Variants in CFAP299 observed in about 807,000 individuals in gnomAD.
The protein encoded by CFAP299 is cilia- and flagella-associated protein 299.
Under a neutral mutation model 27.0 loss-of-function variants are expected in CFAP299, and 21 were observed. The ratio of observed to expected loss-of-function variants is 0.78; its 90% CI spans 0.55 to 1.12. CFAP299 has a LOEUF of 1.12. Ranked by LOEUF, CFAP299 falls within the 50% of genes most tolerant of loss-of-function variation. CFAP299 has a pLI of 0.00. For synonymous variants in CFAP299, 104 were observed against 98.1 expected, an observed-to-expected ratio of 1.06 and a Z score of -0.36; for missense variants, 310 against 276.6, an observed-to-expected ratio of 1.12 and a Z score of -0.86.
chr4:80,581,974 A>G (rs1736197295), intron 2 of CFAP299, among the ~76,000 whole-genome samples: 1 of 151,916 alleles, frequency 6.6e-6, no homozygotes, highest in African/African-American at 2.4e-5. Context: ...CTAAATATTT[A>G]TAACAATATG....
chr4:80,389,817 C>G (rs867664734), intron 2 of CFAP299, among the ~76,000 whole-genome samples: 16 of 152,088 alleles, frequency 1.1e-4, no homozygotes, highest in African/African-American at 3.1e-4. Flanking sequence ...TCTTTAAACA[C>G]ATTTTATGGA....
At chr4:80,913,109 C>T (rs1170032376) in intron 4 of CFAP299, among the ~76,000 whole-genome samples, 1 of 152,114 alleles carries the variant, frequency 6.6e-6, no homozygotes, top group Non-Finnish European at 1.5e-5. Context: ...AATTTTTCCT[C>T]CCTGCATCTA....
intron 2 of CFAP299, among the ~76,000 whole-genome samples, chr4:80,564,737 TTG>T (rs1233830549): frequency 2.6e-5 from 4 of 151,968 alleles, no homozygotes; most frequent in Non-Finnish European, 4.4e-5. Context: ...TTATACTTGT[TTG>T]TAGATGATGT....
At chr4:80,347,212 T>C (rs1371997099) in intron 1 of CFAP299, among the ~76,000 whole-genome samples, 1 of 152,160 alleles carries the variant, frequency 6.6e-6, no homozygotes, top group African/African-American at 2.4e-5. Context: ...AATCATGTCA[T>C]CTGCAAACAG....
At chr4:80,941,564 C>G (rs1737195931) in intron 4 of CFAP299, among the ~76,000 whole-genome samples, 1 of 152,198 alleles carries the variant, frequency 6.6e-6, no homozygotes, top group African/African-American at 2.4e-5. Flanking sequence ...CCTTACATTT[C>G]TCCAAAGTCC....
intron 3 of CFAP299, among the ~76,000 whole-genome samples, chr4:80,869,675 G>T (rs1016199174): frequency 6.6e-6 from 1 of 152,102 alleles, no homozygotes; most frequent in Non-Finnish European, 1.5e-5. Flanking sequence ...CACCACGCCC[G>T]GCTAATTTTT....
intron 4 of CFAP299, among the ~76,000 whole-genome samples, chr4:80,904,798 G>A (rs143438253): frequency 4.6e-5 from 7 of 152,156 alleles, no homozygotes; most frequent in Non-Finnish European, 1.0e-4. Flanking sequence ...AGTGAGAAGG[G>A]TGGAACCTTC....
intron 3 of CFAP299, among the ~76,000 whole-genome samples, chr4:80,679,489 A>G (rs2110003060): frequency 6.6e-6 from 1 of 152,212 alleles, no homozygotes; most frequent in East Asian, 1.9e-4. Flanking sequence ...TTTTATAAAA[A>G]GCGGCCAAAC....
chr4:80,564,194 A>G lies in CFAP299; in HGVS notation c.243-18899A>G, dbSNP rs754119126. 6.7e-4 allele frequency among the ~76,000 whole-genome samples: 102 copies of G among 152,030 alleles called. 1 individual carries two copies. Among genetic ancestry groups the G allele is most frequent in the South Asian group, 2.1e-4 (1 of 4,830 alleles). ...AAACTCATTCTACAAGGCTAATATT[A>G]TCCTGATACCAAAATGAGACAAGAC... On this transcript the variant is annotated intron_variant, in intron 2 of 5. Transcript: ENST00000358105.
intron 4 of CFAP299, among the ~76,000 whole-genome samples, chr4:80,890,497 T>C (rs999233746): frequency 1.3e-5 from 2 of 152,056 alleles, no homozygotes; most frequent in Admixed American, 1.3e-4. Context: ...TCTTTGCTAT[T>C]GTGAATAGTG....
chr4:80,631,871 C>CCT (rs1553942336), intron 3 of CFAP299, among the ~76,000 whole-genome samples: 2 of 120,780 alleles, frequency 1.7e-5, no homozygotes, highest in South Asian at 3.5e-4. Flanking sequence ...CCCACCCCCC[C>CCT]CCAACCAAAT....
At chr4:80,800,611 TAATATATAATATATTAATATA>T in intron 3 of CFAP299, among the ~76,000 whole-genome samples, 1 of 98,470 alleles carries the variant, frequency 1.0e-5, no homozygotes, top group East Asian at 2.5e-4. Flanking sequence ...TATAAATATA[TAATATATAATATATTAATATA>T]AATATATAAT....
intron 2 of CFAP299, among the ~76,000 whole-genome samples, chr4:80,370,347 C>T (rs549942326): frequency 5.3e-5 from 8 of 152,200 alleles, no homozygotes; most frequent in African/African-American, 1.9e-4. Context: ...TTATTCTGTC[C>T]CTGGGCTCCC....
chr4:80,642,786 A>AT (rs953736965), intron 3 of CFAP299, among the ~76,000 whole-genome samples: 1 of 151,938 alleles, frequency 6.6e-6, no homozygotes, highest in Non-Finnish European at 1.5e-5. Flanking sequence ...AAAGTAAAAA[A>AT]TTTTTTTCAG....
intron 3 of CFAP299, among the ~76,000 whole-genome samples, chr4:80,731,254 C>T (rs1045590980): frequency 6.6e-6 from 1 of 152,046 alleles, no homozygotes; most frequent in Non-Finnish European, 1.5e-5. Flanking sequence ...GAAGCTGGTA[C>T]GAGGGGGTCC....
At position 80,852,645 on chromosome 4, in the gene CFAP299, T is replaced by C. The variant is rs192661393; in HGVS notation, c.334-17348T>C. The stretch of plus-strand genomic sequence containing the variant: ...TTCAAGAAAGAACCAACTTCCTTTC[T>C]CTGTTGCTCTTAGCAAAAAGATTTC... On this transcript the variant is annotated intron_variant, in intron 3 of 5. Coordinates refer to ENST00000358105, the MANE Select transcript of CFAP299 (RefSeq NM_152770.3). Among the ~76,000 whole-genome samples, 412 of 152,354 alleles carry C rather than the reference T, an allele frequency of 2.7e-3. 2 individuals carry two copies. Among genetic ancestry groups the C allele is most frequent in the Non-Finnish European group, 4.5e-3 (309 of 68,018 alleles).
intron 3 of CFAP299, among the ~76,000 whole-genome samples, chr4:80,816,280 A>T (rs1729417642): frequency 6.6e-6 from 1 of 152,130 alleles, no homozygotes. Context: ...CAATATGTGA[A>T]CTGTAGCAAA....
chr4:80,830,869 GATA>G (rs1730263187), intron 3 of CFAP299, among the ~76,000 whole-genome samples: 2 of 152,130 alleles, frequency 1.3e-5, no homozygotes, highest in Admixed American at 6.6e-5. Flanking sequence ...AATTAAGAAT[GATA>G]ATAATAGCTG....
chr4:80,790,987 T>C (rs1727530275), intron 3 of CFAP299, among the ~76,000 whole-genome samples: 1 of 152,080 alleles, frequency 6.6e-6, no homozygotes, highest in Admixed American at 6.6e-5. Context: ...ACTGAGGCTT[T>C]GAAAATTTCC....
Sources: allele counts gnomAD v4.1 joint callset (sites outside exome capture counted in the v4.1 genomes callset), GRCh38; gene constraint gnomAD v4.1.1; transcripts MANE v1.5; gene names NCBI Gene and HGNC (gene_info 2026-07-23, HGNC 2026-07-21).